The following TMEM232 variants were observed in gnomAD, a reference collection of about 807,000 sequenced individuals.
The protein encoded by TMEM232 is transmembrane protein 232.
Under a neutral mutation model 78.8 loss-of-function variants are expected in TMEM232, and 80 were observed. The observed-to-expected ratio is 1.01, with a 90% confidence interval of 0.85 to 1.22. The LOEUF (loss-of-function observed/expected upper bound fraction) is 1.22, where lower values mean the gene tolerates loss of function less well. Ranked by LOEUF, TMEM232 falls within the 50% of genes most tolerant of loss-of-function variation. The probability of loss-of-function intolerance (pLI) is 0.00; values close to 1 mark genes in which losing one functional copy is unlikely to be tolerated. For synonymous variants in TMEM232, 297 were observed against 254.3 expected (o/e 1.17, Z -1.60); for missense variants, 881 against 742.2 (o/e 1.19, Z -2.17).
At chr5:110,395,265 C>CA (rs1382565324) in intron 3 of TMEM232, among the ~76,000 whole-genome samples, 2 of 152,098 alleles carry the variant, frequency 1.3e-5, no homozygotes, top group African/African-American at 4.8e-5. Flanking sequence ...TCAGTGGCCC[C>CA]ACTGCCCCAG....
At chr5:110,422,671 T>C (rs1290456990) in intron 13 of TMEM232, among the ~76,000 whole-genome samples, 3 of 151,702 alleles carry the variant, frequency 2.0e-5, no homozygotes, top group Admixed American at 2.0e-4. Flanking sequence ...GGGTATCATA[T>C]CATCACTGTC....
chr5:110,447,368 T>A (rs1267954658), intron 12 of TMEM232, among the ~76,000 whole-genome samples: 4 of 152,036 alleles, frequency 2.6e-5, no homozygotes, highest in Non-Finnish European at 4.4e-5. Flanking sequence ...GCACTGTGGT[T>A]ATCACTGTGC....
At chr5:110,435,307 T>C (rs1758300252) in intron 12 of TMEM232, among the ~76,000 whole-genome samples, 1 of 151,826 alleles carries the variant, frequency 6.6e-6, no homozygotes, top group Non-Finnish European at 1.5e-5. Flanking sequence ...AAACATTTAA[T>C]GTTTAAATGT....
chr5:110,737,600 T>C (rs1157677139), intron 1 of TMEM232, among the ~76,000 whole-genome samples: 1 of 152,212 alleles, frequency 6.6e-6, no homozygotes, highest in Non-Finnish European at 1.5e-5. Context: ...TTTACCTTTT[T>C]TCAATTAGTA....
chr5:110,668,819 G>GA lies in TMEM232; in HGVS notation c.-12-1456dup, dbSNP rs557533215. Among the ~76,000 whole-genome samples, 157 of 152,268 alleles carry GA rather than the reference G, an allele frequency of 1.0e-3. 4 individuals carry two copies. In the South Asian group the frequency reaches 0.031, roughly 30 times the overall value. ...TAATCAAACTAGAACTCAGGATTAA[G>GA]AAACTCACTCAGAACCGCTCAACTG... is the stretch of plus-strand genomic sequence containing the variant. On this transcript the variant is annotated intron_variant, in intron 1 of 13. Coordinates refer to ENST00000455884, the MANE Select transcript of TMEM232 (RefSeq NM_001039763.4).
intron 2 of TMEM232, among the ~76,000 whole-genome samples, chr5:110,410,175 T>C (rs569947255): frequency 6.0e-5 from 9 of 150,350 alleles, no homozygotes; most frequent in Middle Eastern, 3.4e-3. Flanking sequence ...AGTTCCAGCA[T>C]GGAACTCTGT....
At chr5:110,623,747 G>A (rs745314930) in intron 7 of TMEM232, among the ~76,000 whole-genome samples, 10 of 151,948 alleles carry the variant, frequency 6.6e-5, no homozygotes, top group African/African-American at 1.2e-4. Context: ...TTTATATTAC[G>A]AGATAAGAGG....
Position 110,640,923 on chromosome 5 carries a change from T to C in TMEM232, c.311A>G (p.Tyr104Cys). 7.8e-6 allele frequency: 12 copies of C among 1,540,466 alleles called. No individual in the cohort carries two copies. Among genetic ancestry groups the C allele is most frequent in the Non-Finnish European group, 1.1e-5 (12 of 1,141,168 alleles). The change falls in exon 4 of 14, where the codon TAT becomes TGT. Residue 104 changes from tyrosine to cysteine, a missense_variant. Physicochemically the swap from Tyr to Cys is radical, Grantham distance 194. Coordinates refer to ENST00000455884, the MANE Select transcript of TMEM232 (RefSeq NM_001039763.4). ...HLPAAWTEVI[Y>C]LAQCKGEIQD... is the part of the protein sequence containing the mutation. The stretch of plus-strand genomic sequence containing the variant: ...GATTTCCCCTTTGCATTGAGCCAGA[T>C]ATATTACTTCAGTCCATGCAGCAGG...
intron 11 of TMEM232, among the ~76,000 whole-genome samples, chr5:110,547,300 G>A (rs202017247): frequency 3.9e-5 from 6 of 152,056 alleles, no homozygotes; most frequent in East Asian, 1.9e-4. Context: ...GCAAAATTAC[G>A]CATGAGAGGG....
chr5:110,568,387 AT>A (rs1240118762), intron 11 of TMEM232, 59 bp downstream of exon 11: 6 of 1,410,366 alleles, frequency 4.3e-6, no homozygotes, highest in Non-Finnish European at 5.7e-6. Flanking sequence ...ATGGAGAGAA[AT>A]GACAACCGTG....
intron 11 of TMEM232, among the ~76,000 whole-genome samples, chr5:110,552,501 T>C (rs2149619623): frequency 6.6e-6 from 1 of 152,224 alleles, no homozygotes; most frequent in East Asian, 1.9e-4. Flanking sequence ...GCATACCTTA[T>C]ATAAAGACAC....
intron 12 of TMEM232, among the ~76,000 whole-genome samples, chr5:110,472,405 A>T (rs1561537912): frequency 6.6e-6 from 1 of 151,982 alleles, no homozygotes; most frequent in Non-Finnish European, 1.5e-5. Flanking sequence ...GGACATAAAT[A>T]AATGGAAAAA....
intron 12 of TMEM232, among the ~76,000 whole-genome samples, chr5:110,491,761 A>C (rs1446689167): frequency 6.6e-6 from 1 of 152,108 alleles, no homozygotes; most frequent in East Asian, 1.9e-4. Context: ...GACGAGGAAT[A>C]AAATCAAAAT....
intron 10 of TMEM232, among the ~76,000 whole-genome samples, chr5:110,590,919 C>G (rs1234998593): frequency 6.6e-6 from 1 of 152,052 alleles, no homozygotes; most frequent in African/African-American, 2.4e-5. Context: ...AACTCACTCA[C>G]TATCACGAGA....
chr5:110,672,017 GA>G (rs1175097675), intron 1 of TMEM232, among the ~76,000 whole-genome samples: 6 of 151,828 alleles, frequency 4.0e-5, no homozygotes, highest in African/African-American at 1.5e-4. Context: ...GGATGGAAAA[GA>G]AAAAAATACA....
At chr5:110,431,281 T>C (rs946870244) in intron 12 of TMEM232, among the ~76,000 whole-genome samples, 4 of 151,594 alleles carry the variant, frequency 2.6e-5, no homozygotes, top group African/African-American at 9.7e-5. Flanking sequence ...GGGGCTCAAA[T>C]CTACAAAACG....
At chr5:110,400,526 A>G (rs1033445217) in intron 2 of TMEM232, among the ~76,000 whole-genome samples, 4 of 152,092 alleles carry the variant, frequency 2.6e-5, no homozygotes, top group African/African-American at 7.2e-5. Context: ...TTAAAAAAAT[A>G]TAAGACATAC....
intron 11 of TMEM232, among the ~76,000 whole-genome samples, chr5:110,567,269 T>C (rs1274405366): frequency 6.6e-6 from 1 of 151,704 alleles, no homozygotes; most frequent in East Asian, 1.9e-4. Flanking sequence ...TTTTTAATAA[T>C]AAAATTATTT....
At chr5:110,501,914 C>T (rs922533560) in intron 12 of TMEM232, among the ~76,000 whole-genome samples, 1 of 151,998 alleles carries the variant, frequency 6.6e-6, no homozygotes, top group African/African-American at 2.4e-5. Context: ...TGAAATGTTG[C>T]TTAGTTTTGC....
Sources: allele counts gnomAD v4.1 joint callset (sites outside exome capture counted in the v4.1 genomes callset), GRCh38; gene constraint gnomAD v4.1.1; transcripts MANE v1.5; gene names NCBI Gene and HGNC (gene_info 2026-07-23, HGNC 2026-07-21).